Variants in DIP2B observed in about 807,000 individuals in gnomAD.
The protein encoded by DIP2B is disco-interacting protein 2 homolog B.
DIP2B carries 76 observed loss-of-function variants against 198.0 expected under a neutral mutation model. That is an observed-to-expected ratio of 0.38 (90% confidence interval 0.32 to 0.46). The LOEUF (loss-of-function observed/expected upper bound fraction) is 0.46. Among genes scored for constraint, DIP2B ranks in the 20% least tolerant of loss-of-function variants. The probability of loss-of-function intolerance (pLI) is 0.99; values close to 1 mark genes in which losing one functional copy is unlikely to be tolerated. For synonymous variants in DIP2B, 701 were observed against 739.1 expected (o/e 0.95, Z 0.84); for missense variants, 1,559 against 1,978.4 (o/e 0.79, Z 4.02).
chr12:50,664,831 TTTTTG>T (rs1938720587), intron 4 of DIP2B, among the ~76,000 whole-genome samples: 62 of 666 alleles, frequency 0.093, 18 homozygotes, highest in Admixed American at 0.11. Flanking sequence ...CCTTTTTTGG[TTTTTG>T]TTTTTTTTTT....
intron 32 of DIP2B, among the ~76,000 whole-genome samples, chr12:50,733,103 G>A (rs1181471588): frequency 3.3e-5 from 5 of 151,464 alleles, no homozygotes; most frequent in Admixed American, 1.3e-4. Context: ...ACAGGGTTTC[G>A]CCCTGTTGAC....
At chr12:50,719,187 CTG>C (rs1396551630) in intron 25 of DIP2B, 152 bp downstream of exon 25, 3 of 778,888 alleles carry the variant, frequency 3.9e-6, no homozygotes, top group South Asian at 1.8e-5. Flanking sequence ...TGAGGGTAAA[CTG>C]TGCAATCACT....
intron 3 of DIP2B, among the ~76,000 whole-genome samples, chr12:50,652,190 C>T (rs1938467502): frequency 6.6e-6 from 1 of 151,880 alleles, no homozygotes; most frequent in Non-Finnish European, 1.5e-5. Context: ...GCAGGCACCT[C>T]TAATCCCAGC....
intron 1 of DIP2B, among the ~76,000 whole-genome samples, chr12:50,517,250 T>A (rs554751973): frequency 7.3e-4 from 111 of 151,938 alleles, no homozygotes; most frequent in African/African-American, 1.7e-3. Flanking sequence ...TTTTTTTTTT[T>A]AAATTAAATA....
At chr12:50,666,748 G>A (rs1022111553) in intron 4 of DIP2B, among the ~76,000 whole-genome samples, 6 of 151,816 alleles carry the variant, frequency 4.0e-5, no homozygotes, top group African/African-American at 9.7e-5. Flanking sequence ...GAGGCCGGGC[G>A]TGGTGGCTCA....
intron 1 of DIP2B, among the ~76,000 whole-genome samples, chr12:50,507,360 CT>C (rs1446196471): frequency 2.0e-5 from 3 of 152,116 alleles, no homozygotes; most frequent in African/African-American, 7.2e-5. Context: ...GGATGGTTGG[CT>C]GGAGAAGTGG....
At chr12:50,575,107 G>A (rs555322872) in intron 1 of DIP2B, among the ~76,000 whole-genome samples, 83 of 151,218 alleles carry the variant, frequency 5.5e-4, no homozygotes, top group Non-Finnish European at 1.0e-3. Flanking sequence ...CTTTTCTTTC[G>A]ACATTCTCCC....
intron 1 of DIP2B, among the ~76,000 whole-genome samples, chr12:50,532,412 G>C (rs1303716628): frequency 3.3e-5 from 5 of 152,226 alleles, no homozygotes; most frequent in African/African-American, 1.2e-4. Flanking sequence ...CTACTTGGGA[G>C]TCTGAGGTGG....
At position 50,708,478 on chromosome 12, in the gene DIP2B, T is replaced by C; in HGVS notation, c.2565T>C (p.Tyr855=). 1 of 1,606,842 alleles carries C rather than the reference T, an allele frequency of 6.2e-7. No individual in the cohort carries two copies. The highest frequency in any genetic ancestry group is 8.5e-7 in the Non-Finnish European group (1 of 1,176,198). ...RIAVFSVSVF[Y]DERIVVVAEQ... ...CTGTGTTTTCTGTGTCTGTATTTTA[T>C]GATGAGCGCATTGTGGTGGTTGCGG... Residue 855 remains tyrosine, a synonymous_variant, in exon 22 of 38, where the codon TAT becomes TAC. Transcript: ENST00000301180.
chr12:50,554,771 C>G (rs1958455609), intron 1 of DIP2B, among the ~76,000 whole-genome samples: 1 of 151,864 alleles, frequency 6.6e-6, no homozygotes, highest in South Asian at 2.1e-4. Flanking sequence ...CCCCCCCGCC[C>G]CTTTTTTTTT....
At chr12:50,647,035 C>T (rs1164812697) in intron 3 of DIP2B, among the ~76,000 whole-genome samples, 1 of 129,102 alleles carries the variant, frequency 7.7e-6, no homozygotes, top group African/African-American at 3.0e-5. Context: ...TTCTGTTTTT[C>T]TTGTTTGTCT....
chr12:50,745,784 A>G lies in DIP2B; in HGVS notation c.*945A>G, dbSNP rs1439480821. ...AACCACAATAACTTACTCTGGCCCC[A>G]GTGTTAAAACGATCTTTCAGATTTA... On this transcript the variant is annotated 3_prime_UTR_variant, in exon 38 of 38. Transcript: ENST00000301180. 6.6e-6 allele frequency: 1 copy of G among 152,508 alleles called. No individual in the cohort carries two copies. The highest frequency in any genetic ancestry group is 2.4e-5 in the African/African-American group (1 of 41,478). 9.4% of individuals were successfully genotyped at this position (152,508 alleles called of 1,614,324 possible). A position where few individuals can be genotyped will look rare whatever the true frequency, so the allele number is the denominator to read the frequency against.
rs1592135502 is a variant in DIP2B at position 50,703,993 on chromosome 12, ATTTCTT to A, written c.2326-146_2326-141del. On this transcript the variant is annotated intron_variant, in intron 19 of 37. Coordinates refer to ENST00000301180, the MANE Select transcript of DIP2B (RefSeq NM_173602.3). Reference sequence around the variant, plus strand: ...GAGAGGTAAACAATAAATTGTAATTATTTCTTATCTCTAAAGGGATGGAATTACTGG... The same window carrying A: ...GAGAGGTAAACAATAAATTGTAATTAATCTCTAAAGGGATGGAATTACTGG... The A allele has an allele frequency of 2.3e-5, 12 of 512,802 alleles. No homozygotes were observed. In the East Asian group the frequency reaches 4.9e-4, roughly 21 times the overall value. The allele number at this position is 512,802 out of a possible 1,614,324, so 31.8% of individuals were successfully genotyped here. A position where few individuals can be genotyped will look rare whatever the true frequency, so the allele number is the denominator to read the frequency against.
chr12:50,704,005 T>C, intron 19 of DIP2B, 135 bp from the exon 20 acceptor site: 1 of 630,278 alleles, frequency 1.6e-6, no homozygotes. Flanking sequence ...TTCTTATCTC[T>C]AAAGGGATGG....
chr12:50,531,822 C>T (rs530348277), intron 1 of DIP2B, among the ~76,000 whole-genome samples: 1 of 152,320 alleles, frequency 6.6e-6, no homozygotes, highest in East Asian at 1.9e-4. Context: ...AGGGCAGGAA[C>T]TTAGTTTTAT....
At chr12:50,736,631 A>C (rs7977690) in intron 34 of DIP2B, among the ~76,000 whole-genome samples, 4 of 151,996 alleles carry the variant, frequency 2.6e-5, no homozygotes, top group Admixed American at 1.3e-4. Flanking sequence ...GGAGTGACTT[A>C]GGCTGTCCCT....
chr12:50,617,979 G>C (rs1327374899), intron 1 of DIP2B, among the ~76,000 whole-genome samples: 1 of 152,166 alleles, frequency 6.6e-6, no homozygotes, highest in Non-Finnish European at 1.5e-5. Flanking sequence ...AATTGCATCT[G>C]ATTTAGGGGC....
At chr12:50,614,788 G>A (rs1335652708) in intron 1 of DIP2B, among the ~76,000 whole-genome samples, 1 of 152,126 alleles carries the variant, frequency 6.6e-6, no homozygotes, top group Non-Finnish European at 1.5e-5. Context: ...CTGCCTCATT[G>A]GAAAAACCCT....
rs1033294753 is a variant in DIP2B, at chr12:50,536,086, T to A, written c.100+30846T>A. On this transcript the variant is annotated intron_variant, in intron 1 of 37. Transcript: ENST00000301180. Reference sequence around the variant, plus strand: ...GTGTATATGTGCCACATTTTCTTAATCCAGTCTATCATTGTTGGACATTTG... The same window carrying A: ...GTGTATATGTGCCACATTTTCTTAAACCAGTCTATCATTGTTGGACATTTG... Among the ~76,000 whole-genome samples the A allele has an allele frequency of 4.0e-5, 6 of 151,674 alleles. 1 individual carries two copies. In the South Asian group the frequency reaches 1.2e-3, roughly 32 times the overall value.
Sources: gnomAD v4.1 joint callset for allele counts (sites outside exome capture counted in the v4.1 genomes callset) on GRCh38, gnomAD v4.1.1 for gene constraint, MANE v1.5 for transcripts, NCBI Gene and HGNC (gene_info 2026-07-23, HGNC 2026-07-21) for gene names.